CDH10: variants seen among roughly 807,000 people sequenced by gnomAD.
CDH10 encodes the protein cadherin-10.
CDH10 carries 30 observed loss-of-function variants against 73.1 expected under a neutral mutation model. The ratio of observed to expected loss-of-function variants is 0.41; its 90% CI spans 0.31 to 0.56. CDH10 has a LOEUF of 0.56. Ranked by LOEUF, CDH10 falls within the 20% of genes least tolerant of loss-of-function variation. The pLI, the probability that CDH10 is intolerant of heterozygous loss-of-function variation, is 0.27. For missense variants in CDH10, 815 were observed against 973.7 expected (o/e 0.84, Z 2.17); for synonymous variants, 345 against 348.2 (o/e 0.99, Z 0.10).
chr5:24,579,342 A>AT, intron 2 of CDH10, among the ~76,000 whole-genome samples: 1 of 150,512 alleles, frequency 6.6e-6, no homozygotes, highest in Non-Finnish European at 1.5e-5. Flanking sequence ...GGAAAACAAA[A>AT]ATATATATAT....
At chr5:24,495,159 T>C (rs187210228) in intron 9 of CDH10, among the ~76,000 whole-genome samples, 3 of 152,330 alleles carry the variant, frequency 2.0e-5, no homozygotes, top group African/African-American at 7.2e-5. Context: ...GCTCTTTCTA[T>C]AAGCATCCAC....
intron 6 of CDH10, among the ~76,000 whole-genome samples, chr5:24,510,560 G>C (rs1036832929): frequency 6.6e-6 from 1 of 152,104 alleles, no homozygotes; most frequent in Non-Finnish European, 1.5e-5. Flanking sequence ...GATTCTATTT[G>C]TATTACTGCT....
intron 3 of CDH10, 139 bp downstream of exon 3, chr5:24,537,241 T>C (rs1020244091): frequency 1.7e-5 from 10 of 587,198 alleles, no homozygotes; most frequent in Non-Finnish European, 2.8e-5. Flanking sequence ...GATTGTCTCC[T>C]AAAAGAAAAA....
At chr5:24,502,201 C>T (rs1168913360) in intron 8 of CDH10, among the ~76,000 whole-genome samples, 5 of 152,194 alleles carry the variant, frequency 3.3e-5, no homozygotes, top group African/African-American at 7.2e-5. Context: ...GGATTACAGG[C>T]GTGAGCCACC....
intron 6 of CDH10, 89 bp from the exon 7 acceptor site, chr5:24,509,908 T>A (rs1742837203): frequency 1.1e-6 from 1 of 922,606 alleles, no homozygotes; most frequent in Non-Finnish European, 1.7e-6. Flanking sequence ...TAAGTTGTGG[T>A]TGAGTTCTCT....
chr5:24,542,808 G>A (rs1744205062), intron 2 of CDH10, among the ~76,000 whole-genome samples: 1 of 152,042 alleles, frequency 6.6e-6, no homozygotes, highest in Non-Finnish European at 1.5e-5. Flanking sequence ...TGGCAGAAGG[G>A]CAAAAGGTCT....
intron 2 of CDH10, among the ~76,000 whole-genome samples, chr5:24,582,684 A>T (rs1490731761): frequency 6.6e-6 from 1 of 152,248 alleles, no homozygotes; most frequent in Non-Finnish European, 1.5e-5. Flanking sequence ...GTGGATCAAA[A>T]AAAACACTAC....
Position 24,601,850 on chromosome 5 carries a change from G to A in CDH10, c.-123-8237C>T, listed in dbSNP as rs942579662. On this transcript the variant is annotated intron_variant, in intron 1 of 11. Coordinates refer to ENST00000264463, the MANE Select transcript of CDH10 (RefSeq NM_006727.5). ...CTTTAAAAGTGTGGACACATTAAGT[G>A]GTTTCTTCTCCAACACTCATTACAT... 3.9e-5 allele frequency among the ~76,000 whole-genome samples: 6 copies of A among 152,094 alleles called. No homozygotes were observed. In the East Asian group the frequency reaches 1.2e-3, roughly 29 times the overall value.
rs1394651972 is a variant in CDH10 at position 24,487,802 on chromosome 5, G to C, written c.2228C>G (p.Ser743Cys). The C allele has an allele frequency of 6.2e-7, 1 of 1,613,882 alleles. No homozygotes were observed. The highest frequency in any genetic ancestry group is 8.5e-7 in the Non-Finnish European group (1 of 1,179,918). ...LATYAYEGND[S>C]IAESLSSLES... ...TAATGAACTCAGAGATTCAGCAATG[G>C]AATCATTTCCTTCATAGGCATAGGT... The change falls in exon 12 of 12, where the codon TCC becomes TGC. Residue 743 changes from serine (S) to cysteine (C), a missense_variant. Transcript: ENST00000264463.
chr5:24,554,473 C>CGTGTGT (rs70965612), intron 2 of CDH10, among the ~76,000 whole-genome samples: 1 of 149,326 alleles, frequency 6.7e-6, no homozygotes. Context: ...TCTCCCTATT[C>CGTGTGT]GTGTGTGTGT....
chr5:24,507,437 C>T (rs1742737260), intron 7 of CDH10, among the ~76,000 whole-genome samples: 3 of 151,100 alleles, frequency 2.0e-5, no homozygotes, highest in Admixed American at 1.3e-4. Context: ...ATGATTCTTT[C>T]CTCCTAGTCT....
At chr5:24,632,968 G>T (rs150915661) in intron 1 of CDH10, among the ~76,000 whole-genome samples, 1 of 151,862 alleles carries the variant, frequency 6.6e-6, no homozygotes, top group Non-Finnish European at 1.5e-5. Context: ...TATCCAGATC[G>T]ATTGATAAAT....
At chr5:24,526,805 A>G (rs1181536253) in intron 5 of CDH10, among the ~76,000 whole-genome samples, 1 of 151,826 alleles carries the variant, frequency 6.6e-6, no homozygotes, top group Non-Finnish European at 1.5e-5. Flanking sequence ...GATCTCTTAA[A>G]TAATATATGC....
At chr5:24,545,697 A>G (rs934814666) in intron 2 of CDH10, among the ~76,000 whole-genome samples, 12 of 151,808 alleles carry the variant, frequency 7.9e-5, no homozygotes, top group African/African-American at 2.9e-4. Context: ...TGTAGTCCCA[A>G]CTACTTGGGA....
chr5:24,575,451 C>T (rs965073675), intron 2 of CDH10, among the ~76,000 whole-genome samples: 8 of 149,158 alleles, frequency 5.4e-5, no homozygotes, highest in East Asian at 2.1e-4. Flanking sequence ...TTACGAATTA[C>T]GTTAAGATAC....
At chr5:24,531,206 C>A (rs537386490) in intron 5 of CDH10, among the ~76,000 whole-genome samples, 161 of 152,170 alleles carry the variant, frequency 1.1e-3, no homozygotes, top group Non-Finnish European at 1.6e-3. Flanking sequence ...AGCCTTCCCC[C>A]TTCCCCAGTC....
chr5:24,589,094 T>A (rs1385566496), intron 2 of CDH10, among the ~76,000 whole-genome samples: 1 of 152,166 alleles, frequency 6.6e-6, no homozygotes, highest in African/African-American at 2.4e-5. Context: ...AGAGAGCTTA[T>A]ATTTTCCCCA....
intron 1 of CDH10, chr5:24,612,380 A>T (rs1746978399): frequency 6.6e-6 from 1 of 152,202 alleles, no homozygotes; most frequent in Admixed American, 6.5e-5. Flanking sequence ...CATTTCATAA[A>T]GTTTTACAAT....
chr5:24,625,186 T>C (rs968927227), intron 1 of CDH10, among the ~76,000 whole-genome samples: 1 of 152,140 alleles, frequency 6.6e-6, no homozygotes, highest in Non-Finnish European at 1.5e-5. Flanking sequence ...ATAAAAAACA[T>C]GCAATAAATC....
Sources: allele counts gnomAD v4.1 joint callset (sites outside exome capture counted in the v4.1 genomes callset), GRCh38; gene constraint gnomAD v4.1.1; transcripts MANE v1.5; gene names NCBI Gene and HGNC (gene_info 2026-07-23, HGNC 2026-07-21).